NDE1: variants seen among roughly 807,000 people sequenced by gnomAD.
NDE1 encodes nuclear distribution protein nudE homolog 1.
Under a neutral mutation model 43.4 loss-of-function variants are expected in NDE1, and 28 were observed. That is an observed-to-expected ratio of 0.65 (90% confidence interval 0.48 to 0.89). The LOEUF (loss-of-function observed/expected upper bound fraction) is 0.89. Among genes scored for constraint, NDE1 ranks in the 40% least tolerant of loss-of-function variants. The pLI, the probability that NDE1 is intolerant of heterozygous loss-of-function variation, is 0.00. For synonymous variants in NDE1, 184 were observed against 172.0 expected, an observed-to-expected ratio of 1.07 and a Z score of -0.55; for missense variants, 441 against 434.1, an observed-to-expected ratio of 1.02 and a Z score of -0.14.
At chr16:15,718,925 C>T in intron 8 of NDE1, 1 of 439,412 alleles carries the variant, frequency 2.3e-6, no homozygotes, top group Non-Finnish European at 4.2e-6. Context: ...GTCAGGAGTT[C>T]AAGACTAGCC....
At chr16:15,655,384 A>G (rs2036709337) in intron 1 of NDE1, among the ~76,000 whole-genome samples, 1 of 152,168 alleles carries the variant, frequency 6.6e-6, no homozygotes, top group Non-Finnish European at 1.5e-5. Context: ...GGCTCAAGCA[A>G]TCTGCCCACC....
intron 8 of NDE1, chr16:15,714,188 G>A (rs1315697270): frequency 6.5e-6 from 1 of 153,250 alleles, no homozygotes; most frequent in Non-Finnish European, 1.5e-5. Context: ...ACAGGGTGGT[G>A]GAAGCAGCCC....
rs1056109671 is a variant in NDE1 at position 15,708,368 on chromosome 16, G to A, written c.947+11508G>A. ...AACTAGAAGCCAAGTACGTTCTCCA[G>A]GAATGTGCCCAGATAGTGGAACTGT... On this transcript the variant is annotated intron_variant, in intron 8 of 8. Coordinates refer to ENST00000396354, the MANE Select transcript of NDE1 (RefSeq NM_017668.3). 3.3e-5 allele frequency among the ~76,000 whole-genome samples: 5 copies of A among 152,294 alleles called. No individual in the cohort carries two copies. In the East Asian group the frequency reaches 9.6e-4, roughly 29 times the overall value.
chr16:15,645,348 G>A (rs2036310760), upstream of NDE1, among the ~76,000 whole-genome samples: 1 of 152,168 alleles, frequency 6.6e-6, no homozygotes, highest in Non-Finnish European at 1.5e-5. Context: ...GATTGAAAAT[G>A]GGCGGGGCAT....
At chr16:15,682,449 A>C (rs1292125270) in intron 4 of NDE1, among the ~76,000 whole-genome samples, 1 of 152,226 alleles carries the variant, frequency 6.6e-6, no homozygotes, top group African/African-American at 2.4e-5. Flanking sequence ...CTTCTCCAAG[A>C]ACAAGAGTTT....
intron 7 of NDE1, chr16:15,695,460 A>G: frequency 1.0e-6 from 1 of 976,758 alleles, no homozygotes; most frequent in Non-Finnish European, 1.2e-6. Context: ...GTGAGCTGAG[A>G]TCGCACCGCT....
chr16:15,671,902 A>G (rs543620622), intron 3 of NDE1, among the ~76,000 whole-genome samples: 52 of 151,962 alleles, frequency 3.4e-4, no homozygotes, highest in African/African-American at 1.3e-3. Flanking sequence ...TGCCCATGCT[A>G]GTCTGGGACT....
At chr16:15,721,115 C>T in intron 8 of NDE1, 1 of 1,568,454 alleles carries the variant, frequency 6.4e-7, no homozygotes, top group Non-Finnish European at 8.7e-7. Flanking sequence ...TTGAGAAACC[C>T]ACCGTGAGCG....
In NDE1 at chr16:15,724,684, T is replaced by C. The variant is rs2040659441; in HGVS notation, c.*433T>C. The C allele has an allele frequency of 1.2e-6, 2 of 1,614,210 alleles. No individual in the cohort carries two copies. The highest frequency in any genetic ancestry group is 4.5e-5 in the East Asian group (2 of 44,876). Reference sequence around the variant, plus strand: ...AGTGGAGATGTGGCGCTCCAGGTTCTGCTTGGCCTCCATCTCCTCGTCCAG... The same window carrying C: ...AGTGGAGATGTGGCGCTCCAGGTTCCGCTTGGCCTCCATCTCCTCGTCCAG... On this transcript the variant is annotated 3_prime_UTR_variant, in exon 9 of 9. Coordinates refer to ENST00000396354, the MANE Select transcript of NDE1 (RefSeq NM_017668.3).
At chr16:15,666,993 C>T (rs933383021) in intron 2 of NDE1, among the ~76,000 whole-genome samples, 1 of 152,164 alleles carries the variant, frequency 6.6e-6, no homozygotes, top group South Asian at 2.1e-4. Context: ...CGCCTGTAAT[C>T]CCAGCACTTT....
intron 3 of NDE1, among the ~76,000 whole-genome samples, chr16:15,674,422 C>G (rs1485659835): frequency 2.6e-5 from 4 of 151,724 alleles, no homozygotes; most frequent in African/African-American, 9.7e-5. Context: ...TTTTTTTTTG[C>G]ATTTTTGGTA....
intron 3 of NDE1, among the ~76,000 whole-genome samples, chr16:15,673,825 T>G (rs1375243936): frequency 6.6e-6 from 1 of 152,048 alleles, no homozygotes. Context: ...TGAAGGAAAG[T>G]AATTTGGAAG....
At chr16:15,721,051 C>T (rs774544947) in intron 8 of NDE1, 1 of 1,613,922 alleles carries the variant, frequency 6.2e-7, no homozygotes, top group South Asian at 1.1e-5. Flanking sequence ...AGCTCATGGA[C>T]CTGCCGGCAG....
intron 5 of NDE1, among the ~76,000 whole-genome samples, chr16:15,688,083 G>A (rs1418546476): frequency 1.3e-5 from 2 of 152,170 alleles, no homozygotes; most frequent in African/African-American, 2.4e-5. Flanking sequence ...AGCCAAGGTG[G>A]GATGATTGCT....
At chr16:15,643,673 A>T (rs1401751010) in exon 1 of NDE1, 5 of 235,792 alleles carry the variant, frequency 2.1e-5, no homozygotes, top group Admixed American at 1.3e-4. Flanking sequence ...AGTGCAACCT[A>T]GTGGCAAGTG....
chr16:15,688,186 A>G (rs1314291482), intron 5 of NDE1, among the ~76,000 whole-genome samples: 1 of 151,884 alleles, frequency 6.6e-6, no homozygotes, highest in African/African-American at 2.4e-5. Flanking sequence ...TTAAGAAGCA[A>G]AGATGTTGTG....
rs373431708 is a variant in NDE1, at chr16:15,724,597, C to T, written c.*346C>T. The T allele has an allele frequency of 1.1e-5, 18 of 1,612,412 alleles. No homozygotes were observed. Among genetic ancestry groups the T allele is most frequent in the Non-Finnish European group, 1.4e-5 (16 of 1,179,802 alleles). ...GATCTGCCTGCGGGGGATCTCAGCGCAGAGAAGTTGAGAGGACCCATGAAG... is the reference window on the plus strand; with the variant it reads ...GATCTGCCTGCGGGGGATCTCAGCGTAGAGAAGTTGAGAGGACCCATGAAG... On this transcript the variant is annotated 3_prime_UTR_variant, in exon 9 of 9. Transcript: ENST00000396354.
chr16:15,656,116 A>C (rs1198029881), intron 1 of NDE1, among the ~76,000 whole-genome samples: 1 of 151,994 alleles, frequency 6.6e-6, no homozygotes. Context: ...GTACCCTAAA[A>C]CTTAAAGTAT....
At chr16:15,696,374 TAAA>T (rs1168013429) in intron 7 of NDE1, among the ~76,000 whole-genome samples, 8 of 125,564 alleles carry the variant, frequency 6.4e-5, no homozygotes, top group Middle Eastern at 8.2e-3. Flanking sequence ...TCTAAAAAAG[TAAA>T]AAACAAAACA....
Sources: allele counts gnomAD v4.1 joint callset (sites outside exome capture counted in the v4.1 genomes callset), GRCh38; gene constraint gnomAD v4.1.1; transcripts MANE v1.5; gene names NCBI Gene and HGNC (gene_info 2026-07-23, HGNC 2026-07-21).